Variants in MYO9B observed in about 807,000 individuals in gnomAD.
The protein encoded by MYO9B is myosin IXB, also known as unconventional myosin-IXb.
In MYO9B, 71 loss-of-function variants were observed where a neutral mutation model predicts 229.5. That is an observed-to-expected ratio of 0.31 (90% CI 0.26 to 0.38). The LOEUF (loss-of-function observed/expected upper bound fraction) is 0.38, where lower values mean the gene tolerates loss of function less well. Among genes scored for constraint, MYO9B ranks in the 10% least tolerant of loss-of-function variants. The pLI is 1.00. For synonymous variants in MYO9B, 1,185 were observed against 1,235.8 expected, an observed-to-expected ratio of 0.96 and a Z score of 0.86; for missense variants, 2,255 against 2,920.5, an observed-to-expected ratio of 0.77 and a Z score of 5.25.
At chr19:17,158,142 G>A (rs2072557495) in intron 7 of MYO9B, among the ~76,000 whole-genome samples, 2 of 152,290 alleles carry the variant, frequency 1.3e-5, no homozygotes, top group African/African-American at 4.8e-5. Flanking sequence ...AGTGCAAATG[G>A]CAGTGAGGCC....
Position 17,202,840 on chromosome 19 carries a change from A to G in MYO9B, c.4837-2A>G. 1 of 1,594,228 alleles carries G rather than the reference A, an allele frequency of 6.3e-7. No homozygotes were observed. Among genetic ancestry groups the G allele is most frequent in the Non-Finnish European group, 8.5e-7 (1 of 1,171,008 alleles). ...CCAACCTCCTCCTTGTGTTCCTCAC[A>G]GCAGAGCAAAGCTCAGAAGAAGAAG... On this transcript the variant is annotated splice_acceptor_variant, in intron 28 of 39. Transcript: ENST00000682292. LOFTEE classifies it high-confidence loss of function.
chr19:17,145,603 T>C lies in MYO9B; in HGVS notation c.935+112T>C, dbSNP rs1319140831. The C allele has an allele frequency of 6.3e-6, 6 of 949,658 alleles. No individual in the cohort carries two copies. In the Admixed American group the frequency reaches 1.2e-4, roughly 19 times the overall value. 58.8% of individuals were successfully genotyped at this position (949,658 alleles called of 1,614,324 possible). On this transcript the variant is annotated intron_variant, in intron 3 of 39. Transcript: ENST00000682292. ...ATCATGGCTGTGTGGATGTTTATGCTTTGTATGGGAGAGCGAGTGTGATTT... is the reference window on the plus strand; with the variant it reads ...ATCATGGCTGTGTGGATGTTTATGCCTTGTATGGGAGAGCGAGTGTGATTT...
In MYO9B at chr19:17,195,179, C is replaced by T. The variant is rs1599414531; in HGVS notation, c.3752C>T (p.Pro1251Leu). Residue 1251 changes from proline to leucine, a missense_variant, in exon 22 of 40, where the codon CCG (proline) becomes CTG (leucine). By Grantham distance (98) the Pro-to-Leu change is moderately conservative. Coordinates refer to ENST00000682292, the MANE Select transcript of MYO9B (RefSeq NM_004145.4). This position sits in a 1 kb window ranked among gnomAD's most constrained non-coding sequence, Gnocchi z 4.5. ...CCCAGGCCTGGCCAGTTGGAGCGGC[C>T]GACCAGCCTGGCCCTGGACAGCAGG... is the stretch of plus-strand genomic sequence containing the variant. ...GSPRPGQLER[P>L]TSLALDSRVS... 3 of 1,611,332 alleles carry T rather than the reference C, an allele frequency of 1.9e-6. No homozygotes were observed. The highest frequency in any genetic ancestry group is 1.7e-6 in the Non-Finnish European group (2 of 1,179,408).
At chr19:17,185,102 G>A (rs2072903143) in intron 17 of MYO9B, 115 bp downstream of exon 17, 13 of 1,477,560 alleles carry the variant, frequency 8.8e-6, no homozygotes, top group Admixed American at 3.6e-5. Context: ...TTGGCCGGGC[G>A]CGGTGGCTCA....
At chr19:17,158,132 A>G (rs372394823) in intron 7 of MYO9B, among the ~76,000 whole-genome samples, 1 of 152,180 alleles carries the variant, frequency 6.6e-6, no homozygotes, top group Admixed American at 6.6e-5. Flanking sequence ...TCCAACCCCA[A>G]GTGCAAATGG....
intron 10 of MYO9B, among the ~76,000 whole-genome samples, chr19:17,165,608 A>G (rs1274759116): frequency 6.6e-6 from 1 of 151,690 alleles, no homozygotes; most frequent in Non-Finnish European, 1.5e-5. Flanking sequence ...AGTTTCTGCG[A>G]AAAAAAATTT....
intron 4 of MYO9B, among the ~76,000 whole-genome samples, chr19:17,153,130 G>A (rs1273270186): frequency 1.3e-5 from 2 of 151,126 alleles, no homozygotes; most frequent in African/African-American, 4.9e-5. Flanking sequence ...GCAAGTCCTT[G>A]TCTCTGTTTT....
At chr19:17,190,141 CA>C (rs907678462) in intron 19 of MYO9B, among the ~76,000 whole-genome samples, 1 of 151,524 alleles carries the variant, frequency 6.6e-6, no homozygotes, top group African/African-American at 2.4e-5. Context: ...CACTTTGGGT[CA>C]CGTGACCCAT....
intron 22 of MYO9B, among the ~76,000 whole-genome samples, chr19:17,196,275 TGATG>T (rs1191952677): frequency 6.6e-6 from 1 of 151,136 alleles, no homozygotes; most frequent in Non-Finnish European, 1.5e-5. Context: ...CAGATATAGA[TGATG>T]GATGGATGGA....
At chr19:17,112,562 G>A (rs1423075772) in intron 2 of MYO9B, among the ~76,000 whole-genome samples, 4 of 152,222 alleles carry the variant, frequency 2.6e-5, no homozygotes, top group Non-Finnish European at 5.9e-5. Context: ...CAGATCTGAG[G>A]CTGATAGCTG....
chr19:17,137,324 G>A (rs2072283450), intron 2 of MYO9B, among the ~76,000 whole-genome samples: 1 of 151,896 alleles, frequency 6.6e-6, no homozygotes, highest in African/African-American at 2.4e-5. Context: ...TGGGGGTTGA[G>A]GTTGAGGCTG....
At chr19:17,132,571 C>T (rs2072214362) in intron 2 of MYO9B, among the ~76,000 whole-genome samples, 1 of 142,016 alleles carries the variant, frequency 7.0e-6, no homozygotes. Context: ...CTCTGTCGCC[C>T]AGGCTGAAGT....
At chr19:17,184,624 C>G (rs895273733) in intron 16 of MYO9B, 53 of 462,366 alleles carry the variant, frequency 1.1e-4, no homozygotes, top group Non-Finnish European at 1.8e-4. Context: ...GGCAGCCACT[C>G]AGGCTGTGAA....
chr19:17,210,961 C>A, intron 38 of MYO9B, 113 bp downstream of exon 38: 36 of 901,508 alleles, frequency 4.0e-5, no homozygotes, highest in Non-Finnish European at 5.6e-5. Flanking sequence ...TCATCCCTAA[C>A]ACTGGGCAAA....
At position 17,212,475 on chromosome 19, in the gene MYO9B, A is replaced by C; in HGVS notation, c.*165A>C. The C allele has an allele frequency of 7.0e-6, 6 of 856,402 alleles. No homozygotes were observed. The highest frequency in any genetic ancestry group is 1.0e-5 in the Non-Finnish European group (6 of 601,390). 53.1% of individuals were successfully genotyped at this position (856,402 alleles called of 1,614,324 possible). On this transcript the variant is annotated 3_prime_UTR_variant, in exon 40 of 40. Transcript: ENST00000682292. The surrounding 1 kb of genome is among the most constrained non-coding windows in gnomAD (Gnocchi z 5.4). ...CCCCAAGTGCAGAGTCAAGGCAGGG[A>C]GAGGCCGGCTGGAGCCAGGCCCCCT...
Position 17,200,568 on chromosome 19 carries a change from C to T in MYO9B, c.4373-71C>T, listed in dbSNP as rs2073095677. ...AGGGGTTTCTGGCCCTGGATAAAGG[C>T]GTGCCATAGGAGGTCCCCTGCATCC... On this transcript the variant is annotated intron_variant, in intron 25 of 39. Transcript: ENST00000682292. 9 of 1,520,644 alleles carry T rather than the reference C, an allele frequency of 5.9e-6. No individual in the cohort carries two copies. In the Admixed American group the frequency reaches 8.2e-5, roughly 14 times the overall value. 94.2% of individuals were successfully genotyped at this position (1,520,644 alleles called of 1,614,324 possible).
chr19:17,121,522 C>T (rs2057965355), intron 2 of MYO9B, among the ~76,000 whole-genome samples: 1 of 151,644 alleles, frequency 6.6e-6, no homozygotes, highest in Admixed American at 6.6e-5. Flanking sequence ...AGAGTGGGTC[C>T]AAGGGGAGCC....
chr19:17,076,220 C>G (rs2057481972), intron 1 of MYO9B, among the ~76,000 whole-genome samples: 1 of 150,932 alleles, frequency 6.6e-6, no homozygotes, highest in Non-Finnish European at 1.5e-5. Flanking sequence ...ACGAGAGGCC[C>G]AGGCTGGGGG....
At position 17,200,818 on chromosome 19, in the gene MYO9B, C is replaced by T. The variant is rs758648957; in HGVS notation, c.4552C>T (p.Leu1518=). The change falls in exon 26 of 40, where the codon CTG becomes TTG. Residue 1518 remains leucine (L), a synonymous_variant. Transcript: ENST00000682292. ...ANELKYLDEF[L]LNKINDLRSQ... ...TGAGCTCAAGTACCTGGACGAGTTC[C>T]TGCTCAACAAGGTGGGATCACTAGG... 1.2e-6 allele frequency: 2 copies of T among 1,613,764 alleles called. No homozygotes were observed. The highest frequency in any genetic ancestry group is 2.2e-5 in the South Asian group (2 of 91,084).
Sources: gnomAD v4.1 joint callset for allele counts (sites outside exome capture counted in the v4.1 genomes callset) on GRCh38, gnomAD v4.1.1 for gene constraint, Gnocchi (gnomAD v3.1) non-coding constraint, MANE v1.5 for transcripts, NCBI Gene and HGNC (gene_info 2026-07-23, HGNC 2026-07-21) for gene names.